The following EHBP1 variants were observed in gnomAD, a reference collection of about 807,000 sequenced individuals.
EHBP1 encodes EH domain-binding protein 1.
In EHBP1, 55 loss-of-function variants were observed where a neutral mutation model predicts 144.0. The ratio of observed to expected loss-of-function variants is 0.38; its 90% CI spans 0.31 to 0.48. The LOEUF (loss-of-function observed/expected upper bound fraction) is 0.48. Among genes scored for constraint, EHBP1 ranks in the 20% least tolerant of loss-of-function variants. The pLI is 0.98. For synonymous variants in EHBP1, 469 were observed against 472.7 expected, an observed-to-expected ratio of 0.99 and a Z score of 0.10; for missense variants, 1,200 against 1,364.2, an observed-to-expected ratio of 0.88 and a Z score of 1.90.
chr2:62,797,430 C>T (rs1036664134), intron 5 of EHBP1, among the ~76,000 whole-genome samples: 2 of 152,178 alleles, frequency 1.3e-5, no homozygotes, highest in Admixed American at 6.5e-5. Flanking sequence ...TGAAATAACC[C>T]TTGCTAGATA....
chr2:62,807,239 T>C (rs1357763007), intron 5 of EHBP1, among the ~76,000 whole-genome samples: 3 of 152,142 alleles, frequency 2.0e-5, no homozygotes, highest in Non-Finnish European at 4.4e-5. Context: ...CTGATATCTA[T>C]TGGATCAGTT....
At chr2:62,923,386 C>G (rs186503111) in intron 10 of EHBP1, among the ~76,000 whole-genome samples, 2 of 152,208 alleles carry the variant, frequency 1.3e-5, no homozygotes, top group Non-Finnish European at 2.9e-5. Flanking sequence ...CTCTGAACAG[C>G]TGACATTCTC....
intron 2 of EHBP1, chr2:62,726,629 T>G (rs1179853845): frequency 2.6e-5 from 4 of 152,218 alleles, no homozygotes; most frequent in Non-Finnish European, 5.9e-5. Flanking sequence ...TTGTTTTTAT[T>G]TTTTATTTTA....
At chr2:62,769,006 C>T (rs965250257) in intron 4 of EHBP1, among the ~76,000 whole-genome samples, 1 of 152,110 alleles carries the variant, frequency 6.6e-6, no homozygotes, top group African/African-American at 2.4e-5. Flanking sequence ...ATTGAAGGAA[C>T]ATATATCAAA....
intron 14 of EHBP1, among the ~76,000 whole-genome samples, chr2:62,959,423 C>A (rs539975772): frequency 1.3e-5 from 2 of 152,262 alleles, no homozygotes; most frequent in East Asian, 3.9e-4. Context: ...TATGGTAGTT[C>A]TGTTTTTAAT....
chr2:62,803,789 G>A (rs747314516), intron 5 of EHBP1, among the ~76,000 whole-genome samples: 1 of 152,064 alleles, frequency 6.6e-6, no homozygotes. Flanking sequence ...GTATTTATAC[G>A]TTCAAATTTG....
chr2:63,036,152 A>G (rs535294479), intron 19 of EHBP1, among the ~76,000 whole-genome samples: 1 of 152,212 alleles, frequency 6.6e-6, no homozygotes, highest in Admixed American at 6.5e-5. Context: ...TTTGTATTCT[A>G]AAAATTATTT....
intron 7 of EHBP1, among the ~76,000 whole-genome samples, chr2:62,837,695 C>G (rs1211865231): frequency 6.7e-6 from 1 of 149,156 alleles, no homozygotes; most frequent in Non-Finnish European, 1.5e-5. Flanking sequence ...CAATCCTAGT[C>G]TCTGATAAAA....
chr2:62,864,217 T>C (rs1417197002), intron 8 of EHBP1, among the ~76,000 whole-genome samples: 1 of 152,122 alleles, frequency 6.6e-6, no homozygotes, highest in East Asian at 1.9e-4. Flanking sequence ...CAATCATGGC[T>C]CACTGCAGCC....
intron 5 of EHBP1, among the ~76,000 whole-genome samples, chr2:62,782,728 C>T (rs550575241): frequency 5.3e-5 from 8 of 152,232 alleles, no homozygotes; most frequent in African/African-American, 1.9e-4. Flanking sequence ...TCCACCTGGT[C>T]CTACCCTTGA....
At chr2:63,026,336 G>C (rs1349906158) in intron 19 of EHBP1, among the ~76,000 whole-genome samples, 4 of 150,170 alleles carry the variant, frequency 2.7e-5, no homozygotes, top group Admixed American at 1.3e-4. Flanking sequence ...GTGTGTGTGT[G>C]TGTGTGTGTC....
intron 10 of EHBP1, among the ~76,000 whole-genome samples, chr2:62,881,520 T>TTTATACA (rs2051421706): frequency 1.3e-5 from 2 of 151,030 alleles, no homozygotes; most frequent in Non-Finnish European, 3.0e-5. Flanking sequence ...CTAAAGCAGC[T>TTTATACA]AGGCATAAGA....
Position 62,864,716 on chromosome 2 carries a change from G to A in EHBP1, c.758-15G>A. 6.3e-7 allele frequency: 1 copy of A among 1,595,170 alleles called. No homozygotes were observed. The highest frequency in any genetic ancestry group is 8.5e-7 in the Non-Finnish European group (1 of 1,172,056). ...GGTATTCATGTGATTTAATTCATCTGCTATTATTTTATAGAACCTATCACT... is the reference window on the plus strand; with the variant it reads ...GGTATTCATGTGATTTAATTCATCTACTATTATTTTATAGAACCTATCACT... On this transcript the variant is annotated splice_polypyrimidine_tract_variant and intron_variant, in intron 8 of 22. Transcript: ENST00000431489.
chr2:62,889,253 T>G (rs1364039020), intron 10 of EHBP1, among the ~76,000 whole-genome samples: 2 of 151,098 alleles, frequency 1.3e-5, no homozygotes, highest in African/African-American at 4.9e-5. Flanking sequence ...GTGTGTGTTT[T>G]TTTTTTGTAA....
chr2:62,944,269 C>T (rs541567030), intron 12 of EHBP1, among the ~76,000 whole-genome samples: 5 of 152,198 alleles, frequency 3.3e-5, no homozygotes, highest in African/African-American at 9.6e-5. Context: ...ATATATAAAC[C>T]TTGGTTCTTT....
chr2:62,776,182 A>G (rs2042041462), intron 5 of EHBP1, among the ~76,000 whole-genome samples: 1 of 152,184 alleles, frequency 6.6e-6, no homozygotes, highest in Admixed American at 6.5e-5. Flanking sequence ...GCAAATTGAC[A>G]TAATGCTATT....
chr2:62,756,556 G>T (rs1310938923), intron 3 of EHBP1, among the ~76,000 whole-genome samples: 2 of 152,046 alleles, frequency 1.3e-5, no homozygotes, highest in African/African-American at 4.8e-5. Context: ...ATCACCTGAG[G>T]GTCAGGAGTT....
intron 3 of EHBP1, among the ~76,000 whole-genome samples, chr2:62,758,104 AT>A (rs2040462442): frequency 6.6e-6 from 1 of 151,934 alleles, no homozygotes; most frequent in African/African-American, 2.4e-5. Flanking sequence ...CTAGGAGCTC[AT>A]TATAGAATCT....
intron 19 of EHBP1, among the ~76,000 whole-genome samples, chr2:63,003,883 A>G (rs1468610505): frequency 6.6e-6 from 1 of 152,100 alleles, no homozygotes; most frequent in East Asian, 1.9e-4. Context: ...AGGAGTTAAA[A>G]TATTTAGGAG....
Sources: allele counts gnomAD v4.1 joint callset (sites outside exome capture counted in the v4.1 genomes callset), GRCh38; gene constraint gnomAD v4.1.1; transcripts MANE v1.5; gene names NCBI Gene and HGNC (gene_info 2026-07-23, HGNC 2026-07-21).